Variants in SYN3 observed in about 807,000 individuals in gnomAD.
SYN3 encodes synapsin III.
Under a neutral mutation model 65.8 loss-of-function variants are expected in SYN3, and 35 were observed. The observed-to-expected ratio is 0.53, with a 90% CI of 0.41 to 0.70. SYN3 has a LOEUF of 0.70. SYN3 is among the 30% of genes least tolerant of loss of function. SYN3 has a pLI of 0.00. For missense variants in SYN3, 680 were observed against 749.0 expected (o/e 0.91, Z 1.08); for synonymous variants, 270 against 292.9 (o/e 0.92, Z 0.80).
At chr22:32,958,606 G>A (rs559605594) in intron 3 of SYN3, among the ~76,000 whole-genome samples, 1 of 151,930 alleles carries the variant, frequency 6.6e-6, no homozygotes, top group African/African-American at 2.4e-5. Flanking sequence ...TTTTGTTTTT[G>A]TTTTAGCACT....
intron 7 of SYN3, among the ~76,000 whole-genome samples, chr22:32,586,934 A>T (rs1378244175): frequency 5.9e-5 from 9 of 152,162 alleles, no homozygotes. Context: ...CAAGAGAAGC[A>T]GAGAATACGC....
intron 8 of SYN3, 139 bp downstream of exon 8, chr22:32,541,432 A>G: frequency 9.1e-7 from 1 of 1,098,930 alleles, no homozygotes; most frequent in Non-Finnish European, 1.3e-6. Context: ...CCTCAGCCAC[A>G]CTGGACAGAG....
At chr22:32,729,103 T>G (rs1209158646) in intron 6 of SYN3, among the ~76,000 whole-genome samples, 1 of 152,192 alleles carries the variant, frequency 6.6e-6, no homozygotes. Flanking sequence ...TCTGAAGTTG[T>G]TTTACTCATT....
chr22:32,716,467 G>A (rs765166721), intron 6 of SYN3, among the ~76,000 whole-genome samples: 4 of 152,062 alleles, frequency 2.6e-5, no homozygotes, highest in Non-Finnish European at 5.9e-5. Flanking sequence ...GGCAAGTTTT[G>A]ATGTTTACCC....
rs201961342 is a variant in SYN3 at position 32,535,007 on chromosome 22, TG to T, written c.993-1113del. Among the ~76,000 whole-genome samples, 131 of 152,240 alleles carry T rather than the reference TG, an allele frequency of 8.6e-4. 1 individual carries two copies. In the East Asian group the frequency reaches 0.023, roughly 26 times the overall value. On this transcript the variant is annotated intron_variant, in intron 9 of 13. Coordinates refer to ENST00000358763, the MANE Select transcript of SYN3 (RefSeq NM_003490.4). ...TGGAGACTCACACCCATGGAGCTCCTGGTATGTTCCAGGCATTCTGGGCCCG... is the reference window on the plus strand; with the variant it reads ...TGGAGACTCACACCCATGGAGCTCCTGTATGTTCCAGGCATTCTGGGCCCG...
At chr22:32,783,896 G>A (rs1044957700) in intron 6 of SYN3, among the ~76,000 whole-genome samples, 4 of 152,176 alleles carry the variant, frequency 2.6e-5, no homozygotes, top group Non-Finnish European at 4.4e-5. Context: ...TAACTGTGTC[G>A]TGGTAGGCAT....
At chr22:32,921,258 C>T (rs1477210604) in intron 4 of SYN3, among the ~76,000 whole-genome samples, 1 of 152,188 alleles carries the variant, frequency 6.6e-6, no homozygotes, top group Non-Finnish European at 1.5e-5. Context: ...ACAAACTTTT[C>T]ATAGATGACA....
intron 6 of SYN3, among the ~76,000 whole-genome samples, chr22:32,770,883 A>AATTAACACATATGT (rs1569211084): frequency 3.3e-5 from 5 of 151,824 alleles, no homozygotes; most frequent in African/African-American, 9.7e-5. Flanking sequence ...ATATGTGTTC[A>AATTAACACATATGT]GTTATTATTA....
chr22:32,599,427 T>C (rs930028087), intron 6 of SYN3, among the ~76,000 whole-genome samples: 1 of 151,954 alleles, frequency 6.6e-6, no homozygotes, highest in Non-Finnish European at 1.5e-5. Context: ...GTTCACACCA[T>C]TCTCCTGCCT....
intron 6 of SYN3, among the ~76,000 whole-genome samples, chr22:32,639,157 G>C (rs1434391497): frequency 6.6e-6 from 1 of 152,154 alleles, no homozygotes; most frequent in Non-Finnish European, 1.5e-5. Context: ...GTTTCACCGT[G>C]TTAGCCAGAA....
rs993492169 is a variant in SYN3, at chr22:32,509,380, A to G, written c.*4312T>C. 1.3e-5 allele frequency among the ~76,000 whole-genome samples: 2 copies of G among 152,188 alleles called. No individual in the cohort carries two copies. The highest frequency in any genetic ancestry group is 4.8e-5 in the African/African-American group (2 of 41,458). ...AAACATAACATTTTAGAGTCTATAC[A>G]GCATGACTCCCCTCTCCCTCCTTTT... is the stretch of plus-strand genomic sequence containing the variant. On this transcript the variant is annotated 3_prime_UTR_variant, in exon 14 of 14. Transcript: ENST00000358763.
At chr22:32,563,822 A>G (rs527857212) in intron 7 of SYN3, among the ~76,000 whole-genome samples, 1 of 152,246 alleles carries the variant, frequency 6.6e-6, no homozygotes, top group East Asian at 1.9e-4. Flanking sequence ...GGCATGCACC[A>G]CCATGCCTGG....
chr22:32,964,105 C>T (rs1407396977), intron 3 of SYN3, among the ~76,000 whole-genome samples: 1 of 151,940 alleles, frequency 6.6e-6, no homozygotes, highest in East Asian at 1.9e-4. Flanking sequence ...CATTAGCTCA[C>T]GACATGAACC....
chr22:32,545,322 T>A (rs998781483), intron 7 of SYN3, among the ~76,000 whole-genome samples: 19 of 152,250 alleles, frequency 1.2e-4, no homozygotes, highest in African/African-American at 4.6e-4. Context: ...TTATGGCAGC[T>A]GAAATTTATC....
chr22:32,527,281 C>A (rs1485718213), intron 12 of SYN3, among the ~76,000 whole-genome samples: 1 of 152,172 alleles, frequency 6.6e-6, no homozygotes, highest in Non-Finnish European at 1.5e-5. Flanking sequence ...GTAAATCTAC[C>A]ATTTTCTGCC....
chr22:32,542,543 A>C (rs1383381285), intron 7 of SYN3, among the ~76,000 whole-genome samples: 1 of 110,160 alleles, frequency 9.1e-6, no homozygotes, highest in Admixed American at 9.2e-5. Flanking sequence ...GTGTGTGTGT[A>C]GTGTGTGATA....
At chr22:32,901,368 G>A (rs1325552392) in intron 4 of SYN3, among the ~76,000 whole-genome samples, 1 of 152,206 alleles carries the variant, frequency 6.6e-6, no homozygotes, top group Non-Finnish European at 1.5e-5. Flanking sequence ...GAATTAGCAA[G>A]TATATAGTAC....
chr22:32,818,308 A>T (rs1054198903), intron 6 of SYN3, among the ~76,000 whole-genome samples: 1 of 152,146 alleles, frequency 6.6e-6, no homozygotes, highest in South Asian at 2.1e-4. Flanking sequence ...CATCCAGCCT[A>T]TGCGGTCCAT....
At chr22:32,824,453 A>C (rs895740840) in intron 6 of SYN3, among the ~76,000 whole-genome samples, 2 of 152,052 alleles carry the variant, frequency 1.3e-5, no homozygotes, top group African/African-American at 4.8e-5. Flanking sequence ...CCCCGTAGTC[A>C]TATAGGGACT....
Sources: gnomAD v4.1 joint callset for allele counts (sites outside exome capture counted in the v4.1 genomes callset) on GRCh38, gnomAD v4.1.1 for gene constraint, MANE v1.5 for transcripts, NCBI Gene and HGNC (gene_info 2026-07-23, HGNC 2026-07-21) for gene names.